Variants in SLC24A2 observed in about 807,000 individuals in gnomAD.
SLC24A2 encodes the protein sodium/potassium/calcium exchanger 2.
A neutral mutation model predicts 62.0 loss-of-function variants in SLC24A2; 36 were observed. The observed-to-expected ratio is 0.58, with a 90% CI of 0.44 to 0.77. SLC24A2 has a LOEUF of 0.77. SLC24A2 is among the 30% of genes least tolerant of loss of function. SLC24A2 has a pLI of 0.00. For missense variants in SLC24A2, 846 were observed against 817.9 expected (o/e 1.03, Z -0.42); for synonymous variants, 358 against 294.0 (o/e 1.22, Z -2.23).
rs376784162 is a variant in SLC24A2, at chr9:19,608,759, A to ATC, written c.1078+10823_1078+10824dup. ...GAGGCCCTTAGTTTCCTGCACTGAA[A>ATC]TCTCTCTCTCTCTCTCTCTCACACA... On this transcript the variant is annotated intron_variant, in intron 4 of 10. Transcript: ENST00000341998. Among the ~76,000 whole-genome samples, 141 of 146,794 alleles carry ATC rather than the reference A, an allele frequency of 9.6e-4. 1 individual carries two copies. Among genetic ancestry groups the ATC allele is most frequent in the East Asian group, 8.0e-3 (40 of 4,998 alleles).
chr9:19,765,899 T>C (rs549234187), intron 2 of SLC24A2, among the ~76,000 whole-genome samples: 1 of 152,350 alleles, frequency 6.6e-6, no homozygotes, highest in African/African-American at 2.4e-5. Flanking sequence ...GTTTTCCAAT[T>C]GGTTCCAATC....
At chr9:19,561,106 T>G (rs1020219655) in intron 7 of SLC24A2, among the ~76,000 whole-genome samples, 2 of 151,654 alleles carry the variant, frequency 1.3e-5, no homozygotes, top group African/African-American at 2.4e-5. Flanking sequence ...TTTTTTGTAT[T>G]TTTAGTAGAG....
the SLC24A2 span, among the ~76,000 whole-genome samples, chr9:20,253,565 T>C: frequency 6.6e-6 from 1 of 152,146 alleles, no homozygotes; most frequent in South Asian, 2.1e-4. Context: ...CATCTTGAGA[T>C]TTTTATAAAA....
chr9:20,061,016 G>T, the SLC24A2 span, among the ~76,000 whole-genome samples: 1,240 of 152,202 alleles, frequency 8.1e-3, 24 homozygotes, highest in African/African-American at 0.029. Flanking sequence ...ACTACAAGGC[G>T]TTGCTGAAAG....
chr9:19,789,688 A>C (rs1809205956), upstream of SLC24A2, among the ~76,000 whole-genome samples: 1 of 152,210 alleles, frequency 6.6e-6, no homozygotes, highest in Non-Finnish European at 1.5e-5. Context: ...GACCACAAGA[A>C]ATAGAATCAG....
At chr9:19,531,649 G>T (rs1833713678) in intron 8 of SLC24A2, among the ~76,000 whole-genome samples, 1 of 151,886 alleles carries the variant, frequency 6.6e-6, no homozygotes, top group Non-Finnish European at 1.5e-5. Context: ...TATTCACTCA[G>T]CATCTACTCT....
At chr9:19,998,381 T>G in the SLC24A2 span, among the ~76,000 whole-genome samples, 7 of 152,198 alleles carry the variant, frequency 4.6e-5, no homozygotes, top group Non-Finnish European at 1.0e-4. Context: ...TGTCAATGAT[T>G]CACTTCCGGG....
the SLC24A2 span, among the ~76,000 whole-genome samples, chr9:20,009,161 G>A: frequency 2.6e-5 from 4 of 152,080 alleles, no homozygotes; most frequent in Non-Finnish European, 4.4e-5. Flanking sequence ...CCACCATTCT[G>A]GGACCCTGTG....
At chr9:19,732,446 C>T (rs759917230) in intron 2 of SLC24A2, among the ~76,000 whole-genome samples, 7 of 152,156 alleles carry the variant, frequency 4.6e-5, no homozygotes, top group Non-Finnish European at 1.0e-4. Context: ...TCAGGGCTGG[C>T]AGCCTTTCTT....
At chr9:19,944,512 A>C in the SLC24A2 span, among the ~76,000 whole-genome samples, 2 of 152,146 alleles carry the variant, frequency 1.3e-5, no homozygotes, top group Non-Finnish European at 2.9e-5. Flanking sequence ...AAACAAGTAC[A>C]ACTAAGAAAT....
chr9:20,085,999 G>A, the SLC24A2 span, among the ~76,000 whole-genome samples: 1 of 152,128 alleles, frequency 6.6e-6, no homozygotes. Context: ...TGCCCAGAAA[G>A]ATCCATGCTC....
In SLC24A2 at chr9:19,529,254, G is replaced by C. The variant is rs187377878; in HGVS notation, c.1480-1116C>G. Among the ~76,000 whole-genome samples the C allele has an allele frequency of 2.8e-4, 43 of 152,208 alleles. 1 individual carries two copies. Among genetic ancestry groups the C allele is most frequent in the African/African-American group, 7.5e-4 (31 of 41,534 alleles). ...TGTATGAAAGTAATCTCAATTGTCC[G>C]AAAGGCTGACCTTGGGCAGTCACAC... On this transcript the variant is annotated intron_variant, in intron 8 of 10. Coordinates refer to ENST00000341998, the MANE Select transcript of SLC24A2 (RefSeq NM_020344.4).
chr9:20,077,063 A>G, the SLC24A2 span, among the ~76,000 whole-genome samples: 1 of 151,874 alleles, frequency 6.6e-6, no homozygotes, highest in Non-Finnish European at 1.5e-5. Flanking sequence ...AAATTGCATG[A>G]TCTCACTTAT....
At chr9:19,680,031 C>T (rs1245120092) in intron 2 of SLC24A2, among the ~76,000 whole-genome samples, 1 of 152,138 alleles carries the variant, frequency 6.6e-6, no homozygotes, top group Non-Finnish European at 1.5e-5. Context: ...CTATTATGGG[C>T]TCTTCCAACT....
chr9:19,546,430 C>T (rs954726854), intron 8 of SLC24A2, among the ~76,000 whole-genome samples: 6 of 152,178 alleles, frequency 3.9e-5, no homozygotes, highest in Admixed American at 6.5e-5. Context: ...AGAGGCCTTG[C>T]TGAGCTGCAG....
At chr9:20,062,161 C>CA in the SLC24A2 span, among the ~76,000 whole-genome samples, 1 of 152,104 alleles carries the variant, frequency 6.6e-6, no homozygotes, top group African/African-American at 2.4e-5. Flanking sequence ...CCCAAAAGTC[C>CA]AAGGTAGCAG....
chr9:19,919,681 G>T, the SLC24A2 span, among the ~76,000 whole-genome samples: 1 of 152,144 alleles, frequency 6.6e-6, no homozygotes, highest in African/African-American at 2.4e-5. Flanking sequence ...AGTTCTGCAG[G>T]GCTGGGGAGG....
the SLC24A2 span, among the ~76,000 whole-genome samples, chr9:20,293,425 G>A: frequency 6.6e-6 from 1 of 152,136 alleles, no homozygotes; most frequent in Non-Finnish European, 1.5e-5. Flanking sequence ...AGTGGATTTG[G>A]TGTCATTGTA....
At chr9:20,064,132 C>G in the SLC24A2 span, among the ~76,000 whole-genome samples, 2 of 152,030 alleles carry the variant, frequency 1.3e-5, no homozygotes, top group Admixed American at 1.3e-4. Context: ...GAATATTTGT[C>G]AGCAATTGAA....
Sources: gnomAD v4.1 joint callset for allele counts (sites outside exome capture counted in the v4.1 genomes callset) on GRCh38, gnomAD v4.1.1 for gene constraint, MANE v1.5 for transcripts, NCBI Gene and HGNC (gene_info 2026-07-23, HGNC 2026-07-21) for gene names.